PIK3C2G: variants seen among roughly 807,000 people sequenced by gnomAD.
The protein encoded by PIK3C2G is phosphatidylinositol 3-kinase C2 domain-containing subunit gamma.
In PIK3C2G, 168 loss-of-function variants were observed where a neutral mutation model predicts 181.1. The ratio of observed to expected loss-of-function variants is 0.93; its 90% CI spans 0.82 to 1.05. PIK3C2G has a LOEUF of 1.05. Among genes scored for constraint, PIK3C2G ranks in the 50% least tolerant of loss-of-function variants. The pLI, the probability that PIK3C2G is intolerant of heterozygous loss-of-function variation, is 0.00. For missense variants in PIK3C2G, 1,869 were observed against 1,732.8 expected, an observed-to-expected ratio of 1.08 and a Z score of -1.40; for synonymous variants, 573 against 592.2, an observed-to-expected ratio of 0.97 and a Z score of 0.47.
At chr12:18,567,784 G>A (rs1287588602) in intron 29 of PIK3C2G, among the ~76,000 whole-genome samples, 1 of 152,246 alleles carries the variant, frequency 6.6e-6, no homozygotes, top group Non-Finnish European at 1.5e-5. Context: ...TGTTGCTGCT[G>A]TGACAAGTTA....
intron 11 of PIK3C2G, among the ~76,000 whole-genome samples, chr12:18,361,492 G>A (rs1941231214): frequency 6.6e-6 from 1 of 151,660 alleles, no homozygotes; most frequent in Non-Finnish European, 1.5e-5. Context: ...TGCAAAAACA[G>A]CTAACTCTCT....
chr12:18,683,341 A>G, the PIK3C2G span: 1,906 of 1,609,646 alleles, frequency 1.2e-3, 23 homozygotes, highest in African/African-American at 0.023. Flanking sequence ...AAGGAATTAT[A>G]TCTAATTAGA....
chr12:18,285,923 G>A lies in PIK3C2G; in HGVS notation c.679-924G>A, dbSNP rs180831062. On this transcript the variant is annotated intron_variant, in intron 2 of 32. Coordinates refer to ENST00000538779, the MANE Select transcript of PIK3C2G (RefSeq NM_001288772.2). Reference sequence around the variant, plus strand: ...ATTGACAAATGAGATAAAAAAGGAAGGACTCAATTGTTGTCTACAAGGGAC... The same window carrying A: ...ATTGACAAATGAGATAAAAAAGGAAAGACTCAATTGTTGTCTACAAGGGAC... Among the ~76,000 whole-genome samples the A allele has an allele frequency of 3.3e-3, 503 of 151,804 alleles. 9 individuals carry two copies. Among genetic ancestry groups the A allele is most frequent in the Non-Finnish European group, 8.0e-4 (54 of 67,814 alleles).
At chr12:18,596,406 A>G (rs1947364772) in intron 30 of PIK3C2G, among the ~76,000 whole-genome samples, 2 of 152,246 alleles carry the variant, frequency 1.3e-5, no homozygotes, top group Admixed American at 1.3e-4. Flanking sequence ...TTAAGTGTAT[A>G]TTCTTTAACT....
intron 24 of PIK3C2G, among the ~76,000 whole-genome samples, chr12:18,530,501 A>C (rs1387791252): frequency 6.6e-6 from 1 of 151,912 alleles, no homozygotes; most frequent in Non-Finnish European, 1.5e-5. Context: ...TTGTCTATAA[A>C]CTCTTGATCT....
intron 6 of PIK3C2G, among the ~76,000 whole-genome samples, chr12:18,316,792 T>C (rs180968772): frequency 2.0e-5 from 3 of 152,128 alleles, no homozygotes; most frequent in African/African-American, 7.2e-5. Flanking sequence ...TATTTGTATA[T>C]TTGTATATCC....
chr12:18,345,840 T>C (rs1939622072), intron 10 of PIK3C2G, among the ~76,000 whole-genome samples: 1 of 152,210 alleles, frequency 6.6e-6, no homozygotes, highest in Admixed American at 6.5e-5. Context: ...GAATTGCATG[T>C]GTTTGAATAA....
chr12:18,572,230 T>G (rs1372676778), intron 29 of PIK3C2G, among the ~76,000 whole-genome samples: 1 of 149,778 alleles, frequency 6.7e-6, no homozygotes, highest in Non-Finnish European at 1.5e-5. Flanking sequence ...CTTTTTTTAG[T>G]CTTTTATTCT....
At position 18,393,184 on chromosome 12, in the gene PIK3C2G, C is replaced by T. The variant is rs1390181023; in HGVS notation, c.2126+1932C>T. 2.0e-5 allele frequency among the ~76,000 whole-genome samples: 3 copies of T among 151,958 alleles called. No individual in the cohort carries two copies. The East Asian group carries it at 5.8e-4, about 29-fold the overall frequency. On this transcript the variant is annotated intron_variant, in intron 15 of 32. Coordinates refer to ENST00000538779, the MANE Select transcript of PIK3C2G (RefSeq NM_001288772.2). ...TCAGAGGTTTGTGTTTTTAAATTAACCCTGGTGATTTCTAATTGTTTTATA... is the reference window on the plus strand; with the variant it reads ...TCAGAGGTTTGTGTTTTTAAATTAATCCTGGTGATTTCTAATTGTTTTATA...
chr12:18,678,675 A>G, the PIK3C2G span, among the ~76,000 whole-genome samples: 3 of 152,098 alleles, frequency 2.0e-5, no homozygotes, highest in Non-Finnish European at 4.4e-5. Context: ...TAATGCATGT[A>G]TGAATAGTCT....
chr12:18,595,142 A>G (rs991158407), intron 30 of PIK3C2G, among the ~76,000 whole-genome samples: 1 of 152,100 alleles, frequency 6.6e-6, no homozygotes, highest in South Asian at 2.1e-4. Flanking sequence ...CACAATATGC[A>G]AACTAATATA....
At chr12:18,693,526 G>A in the PIK3C2G span, 8 of 1,611,846 alleles carry the variant, frequency 5.0e-6, no homozygotes, top group Non-Finnish European at 6.8e-6. Context: ...TCTTGAGAGT[G>A]GTTGGCTCTG....
intron 18 of PIK3C2G, among the ~76,000 whole-genome samples, chr12:18,470,609 T>C (rs1393704723): frequency 1.3e-5 from 2 of 152,178 alleles, no homozygotes; most frequent in South Asian, 2.1e-4. Context: ...ACCTATTGAC[T>C]GTCTTTGAAG....
At chr12:18,262,080 A>C (rs1485831644) in intron 1 of PIK3C2G, among the ~76,000 whole-genome samples, 1 of 152,054 alleles carries the variant, frequency 6.6e-6, no homozygotes, top group East Asian at 1.9e-4. Flanking sequence ...CCAAACTAGA[A>C]GCAACTCCTG....
chr12:18,691,104 G>C, the PIK3C2G span, among the ~76,000 whole-genome samples: 2 of 152,178 alleles, frequency 1.3e-5, no homozygotes, highest in African/African-American at 4.8e-5. Flanking sequence ...AGCAAAATAG[G>C]TCAGATCAAG....
upstream of PIK3C2G, among the ~76,000 whole-genome samples, chr12:18,260,948 T>C (rs1948216180): frequency 6.6e-6 from 1 of 152,154 alleles, no homozygotes; most frequent in African/African-American, 2.4e-5. Flanking sequence ...ATTTTGCTGT[T>C]CCTTTTCAGA....
the PIK3C2G span, among the ~76,000 whole-genome samples, chr12:18,664,442 A>G: frequency 6.6e-6 from 1 of 152,194 alleles, no homozygotes; most frequent in Non-Finnish European, 1.5e-5. Flanking sequence ...CAGCATTGAA[A>G]GGGAAGGAAA....
At chr12:18,244,510 G>T (rs573014467), upstream of PIK3C2G, among the ~76,000 whole-genome samples, 8 of 152,034 alleles carry the variant, frequency 5.3e-5, no homozygotes, top group Admixed American at 5.2e-4. Flanking sequence ...CCTGCTTTCT[G>T]GGTCTCAAAA....
At chr12:18,713,313 C>T in the PIK3C2G span, among the ~76,000 whole-genome samples, 1 of 152,090 alleles carries the variant, frequency 6.6e-6, no homozygotes, top group East Asian at 1.9e-4. Flanking sequence ...CATCCCTACT[C>T]CCAACCCATA....
Sources: gnomAD v4.1 joint callset for allele counts (sites outside exome capture counted in the v4.1 genomes callset) on GRCh38, gnomAD v4.1.1 for gene constraint, MANE v1.5 for transcripts, NCBI Gene and HGNC (gene_info 2026-07-23, HGNC 2026-07-21) for gene names.